Variants in UPK1A observed in about 807,000 individuals in gnomAD.
UPK1A encodes the protein uroplakin 1A, also known as uroplakin-1a.
A neutral mutation model predicts 32.3 loss-of-function variants in UPK1A; 31 were observed. That is an observed-to-expected ratio of 0.96 (90% CI 0.72 to 1.30). The LOEUF (loss-of-function observed/expected upper bound fraction) is 1.30. UPK1A is among the 50% of genes most tolerant of loss of function. The probability of loss-of-function intolerance (pLI) is 0.00; values close to 1 mark genes in which losing one functional copy is unlikely to be tolerated. For synonymous variants in UPK1A, 135 were observed against 137.1 expected, an observed-to-expected ratio of 0.98 and a Z score of 0.11; for missense variants, 340 against 357.4, an observed-to-expected ratio of 0.95 and a Z score of 0.39.
chr19:35,671,991 G>C (rs1278539584), intron 3 of UPK1A, among the ~76,000 whole-genome samples: 1 of 152,150 alleles, frequency 6.6e-6, no homozygotes, highest in African/African-American at 2.4e-5. Flanking sequence ...TAAGCACATT[G>C]TTTTAAAGCA....
intron 5 of UPK1A, among the ~76,000 whole-genome samples, chr19:35,674,013 T>G (rs1256797889): frequency 2.0e-5 from 3 of 151,916 alleles, no homozygotes; most frequent in African/African-American, 7.3e-5. Flanking sequence ...TCCTCCCGCC[T>G]CAGCTTCCCG....
At chr19:35,671,359 C>A (rs1968094811) in intron 3 of UPK1A, among the ~76,000 whole-genome samples, 2 of 126,196 alleles carry the variant, frequency 1.6e-5, no homozygotes. Context: ...TGCACTCCAG[C>A]CTGGGCGACA....
chr19:35,670,308 G>A (rs1386609946), intron 3 of UPK1A, among the ~76,000 whole-genome samples: 6 of 152,034 alleles, frequency 3.9e-5, no homozygotes, highest in Admixed American at 3.3e-4. Context: ...AGGAGGGAAG[G>A]CAGGTGTTGT....
At chr19:35,669,595 C>T (rs967160840) in intron 3 of UPK1A, among the ~76,000 whole-genome samples, 1 of 151,966 alleles carries the variant, frequency 6.6e-6, no homozygotes, top group Admixed American at 6.6e-5. Flanking sequence ...CACTAGAACC[C>T]GGGAGGCAGA....
At chr19:35,668,326 G>A (rs542020990) in intron 2 of UPK1A, 128 bp from the exon 3 acceptor site, 326 of 1,124,264 alleles carry the variant, frequency 2.9e-4, no homozygotes, top group African/African-American at 5.5e-4. Flanking sequence ...CATGGAAGGC[G>A]AGGTCTTTGC....
intron 5 of UPK1A, among the ~76,000 whole-genome samples, chr19:35,674,737 T>C (rs1205475224): frequency 6.6e-6 from 1 of 151,980 alleles, no homozygotes; most frequent in Non-Finnish European, 1.5e-5. Context: ...CAACATGATA[T>C]TGCACTGGAA....
chr19:35,672,881 C>T (rs1968123617), intron 3 of UPK1A, among the ~76,000 whole-genome samples: 2 of 151,460 alleles, frequency 1.3e-5, no homozygotes, highest in Admixed American at 6.6e-5. Context: ...ATGCCCAGCC[C>T]TAATTTTTGT....
In UPK1A at chr19:35,676,199, T is replaced by TTTCTTTCTTTC. The variant is rs1555722284; in HGVS notation, c.648+182_648+183insCTTTCTTTCTT. ...TCTTTCTTTCTTTCTTTCTTTCTTTTTTTTTTTTCAAGACCGAGTCCTGCT... is the reference window on the plus strand; with the variant it reads ...TCTTTCTTTCTTTCTTTCTTTCTTTTTTCTTTCTTTCTTTTTTTTCAAGACCGAGTCCTGCT... On this transcript the variant is annotated intron_variant, in intron 6 of 7. Coordinates refer to ENST00000617999, the Ensembl canonical transcript of UPK1A. 19 of 719,214 alleles carry TTTCTTTCTTTC rather than the reference T, an allele frequency of 2.6e-5. No homozygotes were observed. The South Asian group carries it at 2.9e-4, about 11-fold the overall frequency. The allele number at this position is 719,214 out of a possible 1,614,324, so 44.6% of individuals were successfully genotyped here.
chr19:35,676,412 A>C (rs1599633466), intron 6 of UPK1A: 2 of 269,570 alleles, frequency 7.4e-6, no homozygotes, highest in East Asian at 1.3e-4. Context: ...CTGGTCTCGA[A>C]CTCCTGAGCT....
chr19:35,669,972 C>T (rs933771643), intron 3 of UPK1A, among the ~76,000 whole-genome samples: 3 of 152,096 alleles, frequency 2.0e-5, no homozygotes, highest in Non-Finnish European at 2.9e-5. Context: ...CTGTGCTGAG[C>T]GAAACATAAA....
At chr19:35,676,399 A>G (rs1324141604) in intron 6 of UPK1A, 5 of 330,022 alleles carry the variant, frequency 1.5e-5, no homozygotes, top group African/African-American at 8.9e-5. Flanking sequence ...CATGTTGTCC[A>G]GGCTGGTCTC....
At chr19:35,670,177 G>T (rs1968064258) in intron 3 of UPK1A, among the ~76,000 whole-genome samples, 3 of 152,212 alleles carry the variant, frequency 2.0e-5, no homozygotes, top group African/African-American at 2.4e-5. Context: ...AGGCTCTGAG[G>T]CCAGAGCGGG....
At chr19:35,677,294 G>T (rs975046829) in intron 6 of UPK1A, among the ~76,000 whole-genome samples, 1 of 151,638 alleles carries the variant, frequency 6.6e-6, no homozygotes, top group Non-Finnish European at 1.5e-5. Context: ...TTGGGAGACC[G>T]AGATGGGAGG....
chr19:35,673,981 TC>T (rs1432535299), intron 5 of UPK1A, among the ~76,000 whole-genome samples: 2 of 151,812 alleles, frequency 1.3e-5, no homozygotes, highest in African/African-American at 4.8e-5. Context: ...CACTGCAACC[TC>T]CAACTCCTGG....
At chr19:35,677,066 TA>T (rs1388725954) in intron 6 of UPK1A, among the ~76,000 whole-genome samples, 1 of 145,898 alleles carries the variant, frequency 6.9e-6, no homozygotes, top group African/African-American at 2.6e-5. Context: ...TACAAAAAAG[TA>T]CAGAAAATTA....
intron 1 of UPK1A, 92 bp from the exon 2 acceptor site, chr19:35,666,717 G>A (rs1426012720): frequency 7.6e-7 from 1 of 1,317,742 alleles, no homozygotes; most frequent in Non-Finnish European, 1.1e-6. Flanking sequence ...CAGAGAGCTG[G>A]AGCAACCCCT....
At position 35,677,752 on chromosome 19, in the gene UPK1A, T is replaced by C. The variant is rs1968202891; in HGVS notation, c.649-60T>C. 61 of 1,600,866 alleles carry C rather than the reference T, an allele frequency of 3.8e-5. No individual in the cohort carries two copies. In the South Asian group the frequency reaches 6.4e-4, roughly 17 times the overall value. ...CTTTCCCAAGGGCGCACAGTGACTC[T>C]CGCTTTCAGCGGCTACCCTCATGGG... On this transcript the variant is annotated intron_variant, in intron 6 of 7. Transcript: ENST00000617999.
At chr19:35,667,681 A>G (rs1047341162) in intron 2 of UPK1A, among the ~76,000 whole-genome samples, 1 of 151,732 alleles carries the variant, frequency 6.6e-6, no homozygotes, top group African/African-American at 2.4e-5. Context: ...TTTAGAAGAG[A>G]TGGGGTTTCA....
chr19:35,671,403 T>C (rs1360342271), intron 3 of UPK1A, among the ~76,000 whole-genome samples: 1 of 129,840 alleles, frequency 7.7e-6, no homozygotes, highest in Non-Finnish European at 1.6e-5. Flanking sequence ...AAAAAAAAAT[T>C]GTGTCTGTTT....
Sources: gnomAD v4.1 joint callset for allele counts (sites outside exome capture counted in the v4.1 genomes callset) on GRCh38, gnomAD v4.1.1 for gene constraint, MANE v1.5 for transcripts, NCBI Gene and HGNC (gene_info 2026-07-23, HGNC 2026-07-21) for gene names.